ZC3HAV1: variants seen among roughly 807,000 people sequenced by gnomAD.
The protein encoded by ZC3HAV1 is zinc finger CCCH-type containing, antiviral 1.
A neutral mutation model predicts 86.6 loss-of-function variants in ZC3HAV1; 41 were observed. The ratio of observed to expected loss-of-function variants is 0.47; its 90% CI spans 0.37 to 0.61. The LOEUF (loss-of-function observed/expected upper bound fraction) is 0.61. Ranked by LOEUF, ZC3HAV1 falls within the 20% of genes least tolerant of loss-of-function variation. ZC3HAV1 has a pLI of 0.00. For missense variants in ZC3HAV1, 964 were observed against 1,141.1 expected, an observed-to-expected ratio of 0.84 and a Z score of 2.24; for synonymous variants, 421 against 432.1, an observed-to-expected ratio of 0.97 and a Z score of 0.32.
intron 12 of ZC3HAV1, among the ~76,000 whole-genome samples, chr7:139,052,559 C>T (rs530699084): frequency 1.7e-4 from 24 of 140,952 alleles, no homozygotes; most frequent in Non-Finnish European, 2.4e-4. Flanking sequence ...GAACCGAGAT[C>T]GAGCCATTGC....
intron 4 of ZC3HAV1, chr7:139,079,139 C>G (rs1425955658): frequency 6.5e-7 from 1 of 1,536,174 alleles, no homozygotes; most frequent in Admixed American, 2.0e-5. Context: ...TGTGAGCTCG[C>G]TGGCAGAGGA....
At chr7:139,070,659 G>A (rs796458834) in intron 7 of ZC3HAV1, among the ~76,000 whole-genome samples, 17 of 95,658 alleles carry the variant, frequency 1.8e-4, no homozygotes, top group Admixed American at 1.4e-3. Context: ...GCGAGACTCC[G>A]TCTCAAAAAA....
At chr7:139,097,429 T>TATATATATATATATATATATTTTTTA (rs1491244234) in intron 1 of ZC3HAV1, among the ~76,000 whole-genome samples, 1 of 56,876 alleles carries the variant, frequency 1.8e-5, no homozygotes, top group African/African-American at 1.1e-4. Flanking sequence ...TATATATATA[T>TATATATATATATATATATATTTTTTA]TTTTTTTTTT....
Position 139,047,858 on chromosome 7 carries a change from A to G in ZC3HAV1, c.2450-5T>C, listed in dbSNP as rs199694608. On this transcript the variant is annotated splice_polypyrimidine_tract_variant and splice_region_variant and intron_variant, in intron 12 of 12. Coordinates refer to ENST00000242351, the MANE Select transcript of ZC3HAV1 (RefSeq NM_020119.4). ...CATCTTTTGCAAAGTAAATTCCTAG[A>G]AAGAATCAGAAAGAAAAGTTAAGAA... The G allele has an allele frequency of 3.1e-4, 500 of 1,604,920 alleles. 2 individuals are homozygous for G. Among genetic ancestry groups the G allele is most frequent in the Middle Eastern group, 8.3e-4 (5 of 6,040 alleles).
chr7:139,102,725 CTA>C lies in ZC3HAV1; in HGVS notation c.308+6297_308+6298del, dbSNP rs1491442744. 9.2e-4 allele frequency among the ~76,000 whole-genome samples: 118 copies of C among 127,914 alleles called. 1 individual carries two copies. Among genetic ancestry groups the C allele is most frequent in the African/African-American group, 3.8e-3 (113 of 29,840 alleles). 83.9% of individuals were successfully genotyped at this position (127,914 alleles called of 152,430 possible). A position where few individuals can be genotyped will look rare whatever the true frequency, so the allele number is the denominator to read the frequency against. On this transcript the variant is annotated intron_variant, in intron 1 of 12. Coordinates refer to ENST00000242351, the MANE Select transcript of ZC3HAV1 (RefSeq NM_020119.4). Reference sequence around the variant, plus strand: ...TGGGCAAAATAGTGAGACACTGTCTCTATACACACACACACACACACACACAC... The same window carrying C: ...TGGGCAAAATAGTGAGACACTGTCTCTACACACACACACACACACACACAC...
chr7:139,043,929 C>T lies in ZC3HAV1; in HGVS notation c.*3665G>A, dbSNP rs1815886733. On this transcript the variant is annotated 3_prime_UTR_variant, in exon 13 of 13. Coordinates refer to ENST00000242351, the MANE Select transcript of ZC3HAV1 (RefSeq NM_020119.4). ...CAGTGGAAAAAATCAGTGGTTCTCA[C>T]TGTGGTCAGTGGGTTATTGGTGGTT... is the stretch of plus-strand genomic sequence containing the variant. The T allele has an allele frequency of 6.6e-6, 1 of 152,226 alleles. No homozygotes were observed. The highest frequency in any genetic ancestry group is 6.5e-5 in the Admixed American group (1 of 15,272). 9.4% of individuals were successfully genotyped at this position (152,226 alleles called of 1,614,324 possible). A position where few individuals can be genotyped will look rare whatever the true frequency, so the allele number is the denominator to read the frequency against.
chr7:139,105,758 T>C (rs2130743129), intron 1 of ZC3HAV1, among the ~76,000 whole-genome samples: 1 of 152,348 alleles, frequency 6.6e-6, no homozygotes, highest in African/African-American at 2.4e-5. Flanking sequence ...GGGTATCAAT[T>C]AGTTAACAGA....
At position 139,109,379 on chromosome 7, in the gene ZC3HAV1, C is replaced by T. The variant is rs1467594751; in HGVS notation, c.-48G>A. ...TGCCGCGGCGCGGGACTCGGTTCCG[C>T]GGAAATCGGAAATCGAAACTTACAA... On this transcript the variant is annotated 5_prime_UTR_variant, in exon 1 of 13. Coordinates refer to ENST00000242351, the MANE Select transcript of ZC3HAV1 (RefSeq NM_020119.4). 1.4e-5 allele frequency: 20 copies of T among 1,480,560 alleles called. No homozygotes were observed. The highest frequency in any genetic ancestry group is 1.7e-5 in the Non-Finnish European group (19 of 1,117,708). 91.7% of individuals were successfully genotyped at this position (1,480,560 alleles called of 1,614,324 possible). A position where few individuals can be genotyped will look rare whatever the true frequency, so the allele number is the denominator to read the frequency against.
intron 2 of ZC3HAV1, among the ~76,000 whole-genome samples, chr7:139,086,449 C>G (rs572059616): frequency 7.1e-6 from 1 of 140,706 alleles, no homozygotes; most frequent in African/African-American, 2.6e-5. Context: ...GGAAAGGGAG[C>G]CTTGGGTGAT....
In ZC3HAV1 at chr7:139,079,765, T is replaced by C; in HGVS notation, c.1176A>G (p.Gln392=). 1 of 1,614,148 alleles carries C rather than the reference T, an allele frequency of 6.2e-7. No individual in the cohort carries two copies. ...PAARSSLGSL[Q]TPEAVTTRKG... is the part of the protein sequence containing the mutation. ...TTCTGGTGGTCACAGCTTCAGGTGT[T>C]TGCAGAGAGCCAAGAGAAGAGCGGG... Residue 392 remains glutamine, a synonymous_variant, in exon 4 of 13, where the codon CAA becomes CAG. Transcript: ENST00000242351.
At chr7:139,083,293 T>C (rs1260246147) in intron 3 of ZC3HAV1, among the ~76,000 whole-genome samples, 3 of 151,936 alleles carry the variant, frequency 2.0e-5, no homozygotes, top group Non-Finnish European at 4.4e-5. Context: ...TTGCAAACAC[T>C]GCATGTATAC....
rs1376508317 is a variant in ZC3HAV1 at position 139,100,483 on chromosome 7, G to A, written c.308+8541C>T. On this transcript the variant is annotated intron_variant, in intron 1 of 12. Coordinates refer to ENST00000242351, the MANE Select transcript of ZC3HAV1 (RefSeq NM_020119.4). ...CAGGAGGCGGAGACTGCACTGAACCGAGATTGCACCACTGCACTCCAGCCT... is the reference window on the plus strand; with the variant it reads ...CAGGAGGCGGAGACTGCACTGAACCAAGATTGCACCACTGCACTCCAGCCT... Among the ~76,000 whole-genome samples, 3 of 151,898 alleles carry A rather than the reference G, an allele frequency of 2.0e-5. No individual in the cohort carries two copies. The East Asian group carries it at 5.8e-4, about 29-fold the overall frequency.
At chr7:139,068,024 T>TTA (rs1816655839) in intron 7 of ZC3HAV1, among the ~76,000 whole-genome samples, 13 of 142,046 alleles carry the variant, frequency 9.2e-5, no homozygotes, top group African/African-American at 2.9e-4. Context: ...TCTTTCTTTC[T>TTA]TTATTATTAT....
chr7:139,050,769 T>C (rs994040540), intron 12 of ZC3HAV1, among the ~76,000 whole-genome samples: 3 of 152,206 alleles, frequency 2.0e-5, no homozygotes, highest in African/African-American at 7.2e-5. Context: ...ATATGTCACT[T>C]AAGATGGTTA....
chr7:139,097,434 T>A lies in ZC3HAV1; in HGVS notation c.309-7675A>T, dbSNP rs1460527180. ...TATATATATATATATATATATTTTT[T>A]TTTTTTTTTTTTTTCTTTGAGATGG... On this transcript the variant is annotated intron_variant, in intron 1 of 12. Transcript: ENST00000242351. Among the ~76,000 whole-genome samples, 108 of 105,718 alleles carry A rather than the reference T, an allele frequency of 1.0e-3. 1 individual carries two copies. Among genetic ancestry groups the A allele is most frequent in the African/African-American group, 3.9e-3 (85 of 22,064 alleles). 69.4% of individuals were successfully genotyped at this position (105,718 alleles called of 152,430 possible).
chr7:139,057,977 G>A lies in ZC3HAV1; in HGVS notation c.2097-2682C>T, dbSNP rs369162151. ...TTTCCATTCTGGATTTGTATAACAT[G>A]GGATAGACTGAATGAATATGTTGTA... On this transcript the variant is annotated intron_variant, in intron 9 of 12. Transcript: ENST00000242351. Among the ~76,000 whole-genome samples, 7 of 152,272 alleles carry A rather than the reference G, an allele frequency of 4.6e-5. No individual in the cohort carries two copies. The South Asian group carries it at 1.4e-3, about 32-fold the overall frequency.
Position 139,079,786 on chromosome 7 carries a change from G to C in ZC3HAV1, c.1155C>G (p.Arg385=). The change falls in exon 4 of 13, where the codon CGC becomes CGG. Residue 385 remains arginine (R), a synonymous_variant. Coordinates refer to ENST00000242351, the MANE Select transcript of ZC3HAV1 (RefSeq NM_020119.4). ...GTGTTTGCAGAGAGCCAAGAGAAGA[G>C]CGGGCGGCAGGTAGCGTGGGAGAAA... ...TVFSPTLPAA[R]SSLGSLQTPE... is the part of the protein sequence containing the mutation. 6.2e-7 allele frequency: 1 copy of C among 1,614,200 alleles called. No homozygotes were observed. The highest frequency in any genetic ancestry group is 8.5e-7 in the Non-Finnish European group (1 of 1,180,046).
In ZC3HAV1 at chr7:139,051,527, C is replaced by T. The variant is rs547122902; in HGVS notation, c.2449+1924G>A. 3.3e-5 allele frequency among the ~76,000 whole-genome samples: 5 copies of T among 152,192 alleles called. No homozygotes were observed. In the South Asian group the frequency reaches 1.0e-3, roughly 32 times the overall value. On this transcript the variant is annotated intron_variant, in intron 12 of 12. Transcript: ENST00000242351. ...GCTCAAGCAATTCTCCCACCTCACC[C>T]TGCTGAGTAGATGGGACTACAGGCA...
rs1815949674 is a variant in ZC3HAV1, at chr7:139,046,125, T to C, written c.*1469A>G. The C allele has an allele frequency of 6.6e-6, 1 of 152,028 alleles. No homozygotes were observed. The highest frequency in any genetic ancestry group is 2.4e-5 in the African/African-American group (1 of 41,388). 9.4% of individuals were successfully genotyped at this position (152,028 alleles called of 1,614,324 possible). On this transcript the variant is annotated 3_prime_UTR_variant, in exon 13 of 13. Coordinates refer to ENST00000242351, the MANE Select transcript of ZC3HAV1 (RefSeq NM_020119.4). Reference sequence around the variant, plus strand: ...AAATCAGAAGGAAAAACCTGGTTCATAAGAAGGAAGGAAATATTGGTCCAA... The same window carrying C: ...AAATCAGAAGGAAAAACCTGGTTCACAAGAAGGAAGGAAATATTGGTCCAA...
Sources: allele counts gnomAD v4.1 joint callset (sites outside exome capture counted in the v4.1 genomes callset), GRCh38; gene constraint gnomAD v4.1.1; transcripts MANE v1.5; gene names NCBI Gene and HGNC (gene_info 2026-07-23, HGNC 2026-07-21).